Variants in CX3CR1 observed in about 807,000 individuals in gnomAD.
CX3CR1 encodes CX3C chemokine receptor 1.
For missense variants in CX3CR1, 363 were observed against 432.4 expected (o/e 0.84, Z 1.42); for synonymous variants, 168 against 178.5 (o/e 0.94, Z 0.47).
Position 39,265,924 on chromosome 3 carries a change from T to A in CX3CR1, c.586A>T (p.Asn196Tyr). 6.2e-7 allele frequency: 1 copy of A among 1,614,182 alleles called. No individual in the cohort carries two copies. Among genetic ancestry groups the A allele is most frequent in the Non-Finnish European group, 8.5e-7 (1 of 1,180,034 alleles). Residue 196 changes from asparagine to tyrosine, a missense_variant, in exon 2 of 2, where the codon AAT (asparagine) becomes TAT (tyrosine). Asn to Tyr is a moderately radical substitution (Grantham distance 143). Transcript: ENST00000399220. ...AGGGGGAGTAGGAAGCCAAGAAAAT[T>A]TGTTTCCACATTGCGGAGCACGGGC... ...IWPVLRNVETNFLGFLLPLLI... is the reference protein window; with the variant it reads ...IWPVLRNVETYFLGFLLPLLI...
the CX3CR1 span, among the ~76,000 whole-genome samples, chr3:39,292,679 CTCATTT>C: frequency 6.6e-6 from 1 of 152,152 alleles, no homozygotes; most frequent in Non-Finnish European, 1.5e-5. Flanking sequence ...AGTAATTGTC[CTCATTT>C]TACGGATGAG....
chr3:39,266,290 C>G lies in CX3CR1; in HGVS notation c.220G>C (p.Ala74Pro). 15 of 1,614,164 alleles carry G rather than the reference C, an allele frequency of 9.3e-6. No individual in the cohort carries two copies. The highest frequency in any genetic ancestry group is 1.2e-5 in the Non-Finnish European group (14 of 1,180,032). The stretch of plus-strand genomic sequence containing the variant: ...GCTACAAACAGCAGATCAGACAAGG[C>G]CAGGTTCAGGAGGTAAATGTCGGTG... ...SVTDIYLLNL[A>P]LSDLLFVATL... The change falls in exon 2 of 2, where the codon GCC (alanine) becomes CCC (proline). Residue 74 changes from alanine to proline, a missense_variant. Coordinates refer to ENST00000399220, the MANE Select transcript of CX3CR1 (RefSeq NM_001337.4).
Position 39,264,509 on chromosome 3 carries a change from C to A in CX3CR1, c.*933G>T, listed in dbSNP as rs2040666744. ...ACTGGCCTGGGAGCAGGTGGAGATG[C>A]ATGAGGTCATATGGAAGAGACAGGC... On this transcript the variant is annotated 3_prime_UTR_variant, in exon 2 of 2. Transcript: ENST00000399220. The A allele has an allele frequency of 6.6e-6, 1 of 152,286 alleles. No individual in the cohort carries two copies. Among genetic ancestry groups the A allele is most frequent in the Non-Finnish European group, 1.5e-5 (1 of 68,134 alleles). The allele number at this position is 152,286 out of a possible 1,614,324, so 9.4% of individuals were successfully genotyped here.
chr3:39,274,102 G>A (rs1024396193), intron 1 of CX3CR1, among the ~76,000 whole-genome samples: 3 of 152,192 alleles, frequency 2.0e-5, no homozygotes, highest in Non-Finnish European at 4.4e-5. Flanking sequence ...AGCTGGATCA[G>A]TTGATCAAGT....
At position 39,265,561 on chromosome 3, in the gene CX3CR1, C is replaced by T. The variant is rs756452900; in HGVS notation, c.949G>A (p.Gly317Arg). ...LYGKCLAVLCGRSVHVDFSSS... is the reference protein window; with the variant it reads ...LYGKCLAVLCRRSVHVDFSSS... ...GAGAAATCAACGTGGACTGAGCGCC[C>T]ACACAGGACAGCCAGGCATTTCCCA... The change falls in exon 2 of 2, where the codon GGG becomes AGG. Residue 317 changes from glycine to arginine, a missense_variant. Gly to Arg is a moderately radical substitution (Grantham distance 125, BLOSUM62 -2). Transcript: ENST00000399220. 1.9e-6 allele frequency: 3 copies of T among 1,614,198 alleles called. No individual in the cohort carries two copies. Among genetic ancestry groups the T allele is most frequent in the Non-Finnish European group, 2.5e-6 (3 of 1,180,034 alleles).
upstream of CX3CR1, chr3:39,280,382 G>A: frequency 1.0e-6 from 1 of 985,344 alleles, no homozygotes; most frequent in East Asian, 1.1e-4. Context: ...CCCACGAGAG[G>A]GAGCCCAGAG....
At chr3:39,283,795 TTATATATATATATATATA>T (rs59133796), upstream of CX3CR1, among the ~76,000 whole-genome samples, 212 of 65,298 alleles carry the variant, frequency 3.2e-3, 2 homozygotes, top group South Asian at 0.023. Context: ...AAAAAAAAAA[TTATATATATATATATATA>T]TATATATATA....
At chr3:39,286,409 G>A (rs2125559341), upstream of CX3CR1, 1 of 152,270 alleles carries the variant, frequency 6.6e-6, no homozygotes, top group South Asian at 2.1e-4. Flanking sequence ...CCAGCACTTT[G>A]GGAGGCCGAG....
At chr3:39,276,593 T>C (rs936676199) in intron 1 of CX3CR1, among the ~76,000 whole-genome samples, 2 of 152,250 alleles carry the variant, frequency 1.3e-5, no homozygotes, top group Admixed American at 6.5e-5. Context: ...CTGCGTAGGA[T>C]TCCACTGTGT....
the CX3CR1 span, among the ~76,000 whole-genome samples, chr3:39,292,676 G>A: frequency 2.0e-5 from 3 of 152,188 alleles, no homozygotes; most frequent in Non-Finnish European, 4.4e-5. Flanking sequence ...GCTAGTAATT[G>A]TCCTCATTTT....
chr3:39,269,951 T>C (rs2040756714), intron 1 of CX3CR1, among the ~76,000 whole-genome samples: 1 of 152,230 alleles, frequency 6.6e-6, no homozygotes, highest in Non-Finnish European at 1.5e-5. Flanking sequence ...TTGAGGGACA[T>C]TTTTGATCTT....
chr3:39,281,390 G>A, upstream of CX3CR1: 2 of 668,938 alleles, frequency 3.0e-6, no homozygotes, highest in Non-Finnish European at 4.4e-6. Context: ...CCCCTTCCTT[G>A]CCTCTGACTC....
chr3:39,267,176 T>C (rs1178999530), intron 1 of CX3CR1, among the ~76,000 whole-genome samples: 1 of 146,938 alleles, frequency 6.8e-6, no homozygotes, highest in African/African-American at 2.5e-5. Context: ...AATGTGTGGA[T>C]GAGAAAGGGA....
intron 1 of CX3CR1, among the ~76,000 whole-genome samples, chr3:39,272,371 A>G (rs936957161): frequency 6.6e-6 from 1 of 151,992 alleles, no homozygotes; most frequent in Non-Finnish European, 1.5e-5. Context: ...AAAATTCCCC[A>G]CTCACATCCG....
upstream of CX3CR1, among the ~76,000 whole-genome samples, chr3:39,284,853 G>A (rs774536326): frequency 3.2e-4 from 48 of 152,296 alleles, no homozygotes; most frequent in Admixed American, 2.4e-3. Flanking sequence ...GCAGTGGGTG[G>A]TGGAAGACGG....
chr3:39,287,483 A>C, the CX3CR1 span: 1 of 152,306 alleles, frequency 6.6e-6, no homozygotes, highest in Admixed American at 6.5e-5. Flanking sequence ...GTAACATTTC[A>C]ATTTAGAAAG....
In CX3CR1 at chr3:39,264,346, A is replaced by G. The variant is rs1193132770; in HGVS notation, c.*1096T>C. ...TGGTGGCTAGTTCCTCATGCTGGAAAGGATGATCTCTATGTGAAAGGTACC... is the reference window on the plus strand; with the variant it reads ...TGGTGGCTAGTTCCTCATGCTGGAAGGGATGATCTCTATGTGAAAGGTACC... On this transcript the variant is annotated 3_prime_UTR_variant, in exon 2 of 2. Coordinates refer to ENST00000399220, the MANE Select transcript of CX3CR1 (RefSeq NM_001337.4). 1.3e-5 allele frequency: 2 copies of G among 152,318 alleles called. No individual in the cohort carries two copies. Among genetic ancestry groups the G allele is most frequent in the Non-Finnish European group, 2.9e-5 (2 of 68,078 alleles). The allele number at this position is 152,318 out of a possible 1,614,324, so 9.4% of individuals were successfully genotyped here. A position where few individuals can be genotyped will look rare whatever the true frequency, so the allele number is the denominator to read the frequency against.
At chr3:39,269,350 C>T (rs567360377) in intron 1 of CX3CR1, among the ~76,000 whole-genome samples, 8 of 152,194 alleles carry the variant, frequency 5.3e-5, no homozygotes, top group Middle Eastern at 3.4e-3. Context: ...AGGGCTGCCA[C>T]GTGCACAGGG....
At chr3:39,270,629 G>A (rs989302366) in intron 1 of CX3CR1, among the ~76,000 whole-genome samples, 3 of 152,314 alleles carry the variant, frequency 2.0e-5, no homozygotes, top group Admixed American at 6.5e-5. Context: ...TGATGTGTGC[G>A]TATTTTGTAT....
Sources: allele counts gnomAD v4.1 joint callset (sites outside exome capture counted in the v4.1 genomes callset), GRCh38; gene constraint gnomAD v4.1.1; transcripts MANE v1.5; gene names NCBI Gene and HGNC (gene_info 2026-07-23, HGNC 2026-07-21).